The following NFIA variants were observed in gnomAD, a reference collection of about 807,000 sequenced individuals.
NFIA encodes the protein nuclear factor 1 A-type.
NFIA carries 8 observed loss-of-function variants against 62.8 expected under a neutral mutation model. That is an observed-to-expected ratio of 0.13 (90% CI 0.07 to 0.23). The LOEUF (loss-of-function observed/expected upper bound fraction) is 0.23. Among genes scored for constraint, NFIA ranks in the 10% least tolerant of loss-of-function variants. The pLI is 1.00. For missense variants in NFIA, 410 were observed against 642.1 expected (o/e 0.64, Z 3.91); for synonymous variants, 235 against 238.1 (o/e 0.99, Z 0.12).
chr1:61,198,647 T>G (rs1014396288), intron 2 of NFIA, among the ~76,000 whole-genome samples: 11 of 152,176 alleles, frequency 7.2e-5, no homozygotes, highest in African/African-American at 2.7e-4. Context: ...GCAGGCAGCG[T>G]CTGTATGCGA....
At chr1:61,308,547 T>TAAGTTGC (rs1029109231) in intron 3 of NFIA, among the ~76,000 whole-genome samples, 14 of 152,194 alleles carry the variant, frequency 9.2e-5, no homozygotes, top group African/African-American at 3.1e-4. Flanking sequence ...TTGGGGATAG[T>TAAGTTGC]AAGTTGCAGT....
intron 6 of NFIA, among the ~76,000 whole-genome samples, chr1:61,368,462 A>C (rs1663712746): frequency 6.6e-6 from 1 of 152,244 alleles, no homozygotes; most frequent in Non-Finnish European, 1.5e-5. Flanking sequence ...GAATTTTAAA[A>C]GTTAGTCATT....
intron 3 of NFIA, among the ~76,000 whole-genome samples, chr1:61,283,550 C>A (rs149749912): frequency 0.052 from 6,410 of 124,268 alleles, 478 homozygotes; most frequent in African/African-American, 0.16. Flanking sequence ...CCACTGCACT[C>A]CATCCTGGGT....
In NFIA at chr1:61,120,529, C is replaced by T. The variant is rs556606603; in HGVS notation, c.559+31849C>T. Among the ~76,000 whole-genome samples the T allele has an allele frequency of 1.2e-4, 19 of 152,220 alleles. No homozygotes were observed. In the South Asian group the frequency reaches 3.1e-3, roughly 25 times the overall value. On this transcript the variant is annotated intron_variant, in intron 2 of 10. Coordinates refer to ENST00000403491, the MANE Select transcript of NFIA (RefSeq NM_001134673.4). ...CCACTTATTTCATGTCTGCCGTGAC[C>T]GTGACAGTTTTCAGTCACACAGAGC...
chr1:61,171,145 T>G (rs1649941254), intron 2 of NFIA, among the ~76,000 whole-genome samples: 1 of 152,218 alleles, frequency 6.6e-6, no homozygotes, highest in Non-Finnish European at 1.5e-5. Context: ...CAGTTTCTTT[T>G]ATTCCCAATC....
chr1:61,199,484 G>A (rs924833040), intron 2 of NFIA, among the ~76,000 whole-genome samples: 1 of 152,090 alleles, frequency 6.6e-6, no homozygotes. Context: ...GGCTTATGTA[G>A]CATTTCCAAT....
At chr1:61,306,294 T>TTTTTTTTTTTTTA (rs748026405) in intron 3 of NFIA, among the ~76,000 whole-genome samples, 2 of 109,748 alleles carry the variant, frequency 1.8e-5, no homozygotes, top group African/African-American at 3.6e-5. Context: ...TTTTTTTTTT[T>TTTTTTTTTTTTTA]AAGACAGAGT....
chr1:61,157,050 A>G (rs1271695807), intron 2 of NFIA, among the ~76,000 whole-genome samples: 1 of 152,224 alleles, frequency 6.6e-6, no homozygotes, highest in Non-Finnish European at 1.5e-5. Flanking sequence ...AGAGAACTGC[A>G]TTCATCATGT....
chr1:61,226,223 C>G (rs1654322602), intron 2 of NFIA, among the ~76,000 whole-genome samples: 1 of 152,160 alleles, frequency 6.6e-6, no homozygotes, highest in Admixed American at 6.5e-5. Context: ...CGTTAAGCAG[C>G]CACTTGGTAA....
At chr1:61,161,831 C>T (rs1649233394) in intron 2 of NFIA, among the ~76,000 whole-genome samples, 1 of 152,128 alleles carries the variant, frequency 6.6e-6, no homozygotes, top group African/African-American at 2.4e-5. Context: ...AACGCTTTAA[C>T]TTGTGTTCTT....
chr1:61,336,486 C>T (rs976551475), intron 4 of NFIA, among the ~76,000 whole-genome samples: 2 of 152,102 alleles, frequency 1.3e-5, no homozygotes, highest in Non-Finnish European at 2.9e-5. Context: ...TAGTGTGGTA[C>T]ATTTGTTAAA....
chr1:61,319,403 T>C (rs1332951561), intron 3 of NFIA, among the ~76,000 whole-genome samples: 1 of 152,164 alleles, frequency 6.6e-6, no homozygotes, highest in East Asian at 1.9e-4. Context: ...TTCATTTCTG[T>C]GTTCATTCAT....
chr1:61,185,614 G>C (rs1472008984), intron 2 of NFIA, among the ~76,000 whole-genome samples: 4 of 144,698 alleles, frequency 2.8e-5, no homozygotes, highest in South Asian at 4.5e-4. Flanking sequence ...TCTGGCTTCT[G>C]TATCTACCTT....
chr1:61,374,753 T>C (rs1432033145), intron 6 of NFIA, among the ~76,000 whole-genome samples: 2 of 152,210 alleles, frequency 1.3e-5, no homozygotes, highest in Admixed American at 1.3e-4. Flanking sequence ...TCCTTTTAGC[T>C]CATTTTCAAT....
In NFIA at chr1:61,441,370, G is replaced by A. The variant is rs1171375573; in HGVS notation, c.1513-13933G>A. Among the ~76,000 whole-genome samples the A allele has an allele frequency of 4.7e-5, 7 of 149,350 alleles. No homozygotes were observed. The South Asian group carries it at 1.1e-3, about 22-fold the overall frequency. On this transcript the variant is annotated intron_variant, in intron 10 of 10. Transcript: ENST00000403491. ...GTCTGTCTGTGTAACCTGTGCTTCC[G>A]TCTATGCTCCTGGACAGCTTTTTTT...
intron 2 of NFIA, among the ~76,000 whole-genome samples, chr1:61,183,277 G>T (rs557495795): frequency 1.3e-5 from 2 of 152,176 alleles, no homozygotes; most frequent in African/African-American, 4.8e-5. Context: ...GAATTGGGAG[G>T]TTTGTAGGAG....
chr1:61,383,251 A>C lies in NFIA; in HGVS notation c.961A>C (p.Thr321Pro), dbSNP rs753828754. ...HEVEPGMPSP[T>P]TLKKSEKSGF... ...CTTCTTGCCAGGAATGCCATCTCCAACCACACTGAAGAAGTCGGAGAAGTC... is the reference window on the plus strand; with the variant it reads ...CTTCTTGCCAGGAATGCCATCTCCACCCACACTGAAGAAGTCGGAGAAGTC... Residue 321 changes from threonine to proline, a missense_variant, in exon 7 of 11, where the codon ACC becomes CCC. Physicochemically the swap from Thr to Pro is conservative, Grantham distance 38. This residue lies in a region of NFIA where 298 missense variants were observed against 438.1 expected (regional missense o/e 0.68). Coordinates refer to ENST00000403491, the MANE Select transcript of NFIA (RefSeq NM_001134673.4). 1.9e-6 allele frequency: 3 copies of C among 1,614,024 alleles called. No homozygotes were observed. In the South Asian group the frequency reaches 3.3e-5, roughly 18 times the overall value.
chr1:61,317,632 A>G (rs867788889), intron 3 of NFIA, among the ~76,000 whole-genome samples: 2 of 152,024 alleles, frequency 1.3e-5, no homozygotes, highest in African/African-American at 2.4e-5. Context: ...TTTTTACTCA[A>G]AAATTCACTT....
rs555491220 is a variant in NFIA, at chr1:61,316,300, A to G, written c.626-16212A>G. Among the ~76,000 whole-genome samples the G allele has an allele frequency of 3.9e-5, 6 of 152,292 alleles. No individual in the cohort carries two copies. In the South Asian group the frequency reaches 1.0e-3, roughly 26 times the overall value. ...AAAGAATTGTAATAATCAGTCCCTG[A>G]CCTTATAAGAGTTTATATTCTAATT... On this transcript the variant is annotated intron_variant, in intron 3 of 10. Transcript: ENST00000403491.
Sources: gnomAD v4.1 joint callset for allele counts (sites outside exome capture counted in the v4.1 genomes callset) on GRCh38, gnomAD v4.1.1 for gene constraint, gnomAD v4.1.1 regional missense constraint, MANE v1.5 for transcripts, NCBI Gene and HGNC (gene_info 2026-07-23, HGNC 2026-07-21) for gene names.